CA10: variants seen among roughly 807,000 people sequenced by gnomAD.
CA10 encodes the protein carbonic anhydrase-related protein 10.
In CA10, 14 loss-of-function variants were observed where a neutral mutation model predicts 44.2. The observed-to-expected ratio is 0.32, with a 90% CI of 0.21 to 0.50. The LOEUF (loss-of-function observed/expected upper bound fraction) is 0.50, where lower values mean the gene tolerates loss of function less well. CA10 is among the 20% of genes least tolerant of loss of function. The pLI is 0.99. For synonymous variants in CA10, 159 were observed against 141.6 expected, an observed-to-expected ratio of 1.12 and a Z score of -0.87; for missense variants, 350 against 409.7, an observed-to-expected ratio of 0.85 and a Z score of 1.26.
rs140049428 is a variant in CA10, at chr17:51,887,793, C to T, written c.279+43197G>A. Among the ~76,000 whole-genome samples the T allele has an allele frequency of 2.5e-3, 369 of 150,196 alleles. 5 individuals carry two copies. Among genetic ancestry groups the T allele is most frequent in the East Asian group, 2.9e-3 (15 of 5,108 alleles). On this transcript the variant is annotated intron_variant, in intron 3 of 8. Transcript: ENST00000451037. ...GATCATGAGGTCAGCAGTTCAAGAC[C>T]AGCCTGGCCAAGATGGTGAAACCCC...
chr17:52,033,045 C>A (rs1598176928), intron 2 of CA10, among the ~76,000 whole-genome samples: 1 of 152,140 alleles, frequency 6.6e-6, no homozygotes, highest in East Asian at 1.9e-4. Flanking sequence ...GGCAATGACT[C>A]CAACTACAAC....
chr17:52,081,536 C>T (rs952822881), intron 1 of CA10, among the ~76,000 whole-genome samples: 2 of 152,122 alleles, frequency 1.3e-5, no homozygotes, highest in African/African-American at 4.8e-5. Flanking sequence ...CGCGGTGGCT[C>T]ACGCCTGTAG....
intron 1 of CA10, among the ~76,000 whole-genome samples, chr17:52,094,675 T>C (rs1282663177): frequency 1.3e-5 from 2 of 152,210 alleles, no homozygotes; most frequent in African/African-American, 2.4e-5. Flanking sequence ...AGAGACTTGA[T>C]AGATCCTTGA....
intron 2 of CA10, among the ~76,000 whole-genome samples, chr17:52,014,496 TGAAAA>T (rs532829915): frequency 4.1e-4 from 62 of 152,108 alleles, no homozygotes; most frequent in African/African-American, 1.3e-3. Flanking sequence ...TACCAAAATG[TGAAAA>T]GAAAAGTTAT....
intron 3 of CA10, among the ~76,000 whole-genome samples, chr17:51,751,910 C>G (rs563136448): frequency 1.3e-5 from 2 of 152,284 alleles, no homozygotes; most frequent in African/African-American, 4.8e-5. Context: ...ACATTCAATG[C>G]ACCTAACAGT....
At chr17:51,869,606 G>A (rs117074294) in intron 3 of CA10, among the ~76,000 whole-genome samples, 1,981 of 152,268 alleles carry the variant, frequency 0.013, 23 homozygotes, top group Non-Finnish European at 0.022. Context: ...CTCAGAATGA[G>A]GCACGGAGTG....
chr17:51,965,899 C>A (rs1477636841), intron 2 of CA10, among the ~76,000 whole-genome samples: 1 of 151,774 alleles, frequency 6.6e-6, no homozygotes, highest in South Asian at 2.1e-4. Flanking sequence ...TAAAAAGCAT[C>A]CAAATAGGAA....
At chr17:51,857,321 G>A (rs567967024) in intron 3 of CA10, among the ~76,000 whole-genome samples, 5 of 152,248 alleles carry the variant, frequency 3.3e-5, no homozygotes, top group East Asian at 1.9e-4. Context: ...ATGGCAGAGC[G>A]AAGACTAGAG....
intron 4 of CA10, among the ~76,000 whole-genome samples, chr17:51,689,136 T>G (rs1163983511): frequency 6.6e-6 from 1 of 152,216 alleles, no homozygotes; most frequent in Non-Finnish European, 1.5e-5. Flanking sequence ...AGACCTTGGC[T>G]CACTTATGTT....
At chr17:51,649,476 G>A (rs1913472004) in intron 5 of CA10, among the ~76,000 whole-genome samples, 1 of 152,192 alleles carries the variant, frequency 6.6e-6, no homozygotes, top group African/African-American at 2.4e-5. Flanking sequence ...CATATAGTGT[G>A]AAGAGTGCTA....
At chr17:51,956,718 T>C (rs898147936) in intron 2 of CA10, among the ~76,000 whole-genome samples, 2 of 152,172 alleles carry the variant, frequency 1.3e-5, no homozygotes, top group African/African-American at 4.8e-5. Context: ...GAAATCAAAA[T>C]GATACATTTG....
At chr17:51,637,534 G>A (rs74414067) in intron 6 of CA10, among the ~76,000 whole-genome samples, 356 of 152,302 alleles carry the variant, frequency 2.3e-3, no homozygotes, top group African/African-American at 8.5e-3. Context: ...ATGCACACAT[G>A]TTCTCTCGTC....
chr17:51,877,383 A>G (rs1980127680), intron 3 of CA10, among the ~76,000 whole-genome samples: 1 of 152,238 alleles, frequency 6.6e-6, no homozygotes, highest in African/African-American at 2.4e-5. Context: ...CATTTATGTG[A>G]CAAATGTGGG....
At chr17:52,080,134 A>G (rs920314295) in intron 1 of CA10, among the ~76,000 whole-genome samples, 4 of 152,196 alleles carry the variant, frequency 2.6e-5, no homozygotes, top group Non-Finnish European at 5.9e-5. Context: ...ACTTTCATCT[A>G]AAATGCTTAG....
intron 3 of CA10, among the ~76,000 whole-genome samples, chr17:51,813,671 A>G (rs1907458691): frequency 6.6e-6 from 1 of 152,214 alleles, no homozygotes; most frequent in African/African-American, 2.4e-5. Context: ...TGGATTCTCG[A>G]TAAAGCTGTG....
intron 2 of CA10, among the ~76,000 whole-genome samples, chr17:52,048,902 A>T (rs1986985890): frequency 6.6e-6 from 1 of 151,588 alleles, no homozygotes; most frequent in African/African-American, 2.4e-5. Flanking sequence ...CAAGGGTATA[A>T]TAGGATGCTG....
At chr17:51,945,846 T>G (rs1983253474) in intron 2 of CA10, among the ~76,000 whole-genome samples, 1 of 152,132 alleles carries the variant, frequency 6.6e-6, no homozygotes, top group African/African-American at 2.4e-5. Context: ...AGTCACACAG[T>G]CTGAACTGCT....
chr17:51,709,695 A>G (rs1408882843), intron 4 of CA10, among the ~76,000 whole-genome samples: 1 of 152,206 alleles, frequency 6.6e-6, no homozygotes, highest in Non-Finnish European at 1.5e-5. Flanking sequence ...AATGGCTTGG[A>G]GTGTTCCCCA....
At chr17:51,702,002 A>T (rs374337063) in intron 4 of CA10, among the ~76,000 whole-genome samples, 1 of 152,170 alleles carries the variant, frequency 6.6e-6, no homozygotes, top group South Asian at 2.1e-4. Flanking sequence ...GAACCTGCCA[A>T]CCAGACTACA....
Sources: allele counts gnomAD v4.1 joint callset (sites outside exome capture counted in the v4.1 genomes callset), GRCh38; gene constraint gnomAD v4.1.1; transcripts MANE v1.5; gene names NCBI Gene and HGNC (gene_info 2026-07-23, HGNC 2026-07-21).